ARID4B: variants seen among roughly 807,000 people sequenced by gnomAD.
The protein encoded by ARID4B is AT-rich interactive domain-containing protein 4B.
A neutral mutation model predicts 147.5 loss-of-function variants in ARID4B; 26 were observed. The observed-to-expected ratio is 0.18, with a 90% CI of 0.13 to 0.24. ARID4B has a LOEUF of 0.24. Ranked by LOEUF, ARID4B falls within the 10% of genes least tolerant of loss-of-function variation. The pLI, the probability that ARID4B is intolerant of heterozygous loss-of-function variation, is 1.00. For missense variants in ARID4B, 1,179 were observed against 1,511.5 expected (o/e 0.78, Z 3.65); for synonymous variants, 512 against 507.9 (o/e 1.01, Z -0.11).
chr1:235,234,574 A>G, intron 8 of ARID4B, 82 bp from the exon 9 acceptor site: 3 of 999,178 alleles, frequency 3.0e-6, no homozygotes, highest in Non-Finnish European at 4.5e-6. Flanking sequence ...CCTTTTAAAA[A>G]GTGTAAGCTT....
intron 17 of ARID4B, among the ~76,000 whole-genome samples, chr1:235,200,176 C>T (rs978758572): frequency 2.6e-5 from 4 of 151,254 alleles, no homozygotes; most frequent in Admixed American, 6.6e-5. Flanking sequence ...AAAATTAGGC[C>T]GGGCGCAGTG....
At chr1:235,224,631 C>A (rs1481435092) in intron 12 of ARID4B, 72 bp downstream of exon 12, 63 of 1,089,278 alleles carry the variant, frequency 5.8e-5, no homozygotes, top group Non-Finnish European at 7.9e-5. Flanking sequence ...AAACAAAATT[C>A]TATTCTTATT....
intron 11 of ARID4B, 57 bp downstream of exon 11, chr1:235,229,174 C>A: frequency 6.4e-7 from 1 of 1,568,306 alleles, no homozygotes; most frequent in Non-Finnish European, 8.6e-7. Context: ...TCCTAACCCA[C>A]AAGGGAAACC....
At chr1:235,271,695 T>A (rs1440554224) in intron 2 of ARID4B, among the ~76,000 whole-genome samples, 1 of 151,874 alleles carries the variant, frequency 6.6e-6, no homozygotes, top group Non-Finnish European at 1.5e-5. Context: ...ACACCTGTAA[T>A]CCCAACACTT....
At chr1:235,267,165 C>T (rs1255600074) in intron 2 of ARID4B, among the ~76,000 whole-genome samples, 1 of 152,142 alleles carries the variant, frequency 6.6e-6, no homozygotes, top group East Asian at 1.9e-4. Context: ...ATGGTCCCAA[C>T]TACTAAGGAG....
At chr1:235,323,427 C>T (rs970194891) in intron 2 of ARID4B, among the ~76,000 whole-genome samples, 1 of 151,790 alleles carries the variant, frequency 6.6e-6, no homozygotes, top group Admixed American at 6.6e-5. Flanking sequence ...TTTACTGCTA[C>T]GTAATAAAAG....
chr1:235,181,020 A>T, intron 20 of ARID4B: 1 of 705,566 alleles, frequency 1.4e-6, no homozygotes, highest in Non-Finnish European at 1.8e-6. Context: ...TTGGTCCTTC[A>T]ATTTGGAAGC....
chr1:235,204,402 CA>C lies in ARID4B; in HGVS notation c.1842-8288del, dbSNP rs1666172033. On this transcript the variant is annotated intron_variant, in intron 17 of 23. Transcript: ENST00000264183. ...CTACTTCATATAACACTTAAATCTA[CA>C]TCAGAGAGACAGCGATGGTATTCCT... Among the ~76,000 whole-genome samples, 4 of 152,274 alleles carry C rather than the reference CA, an allele frequency of 2.6e-5. No homozygotes were observed. In the South Asian group the frequency reaches 8.3e-4, roughly 32 times the overall value.
intron 19 of ARID4B, among the ~76,000 whole-genome samples, chr1:235,183,976 G>A (rs111253694): frequency 1.9e-4 from 29 of 152,018 alleles, no homozygotes; most frequent in African/African-American, 6.3e-4. Context: ...ACAGGGTCTC[G>A]TCATGTTGCC....
chr1:235,189,374 T>G (rs1163774773), intron 19 of ARID4B, among the ~76,000 whole-genome samples: 1 of 111,542 alleles, frequency 9.0e-6, no homozygotes, highest in African/African-American at 3.6e-5. Context: ...CACTCCAGCC[T>G]AGGCAACAGA....
At chr1:235,170,616 T>C (rs763122740) in intron 23 of ARID4B, among the ~76,000 whole-genome samples, 2 of 151,920 alleles carry the variant, frequency 1.3e-5, no homozygotes, top group African/African-American at 4.8e-5. Flanking sequence ...TGGGCGCCTG[T>C]AGTCCCAGCT....
At chr1:235,312,876 G>C (rs996155000) in intron 2 of ARID4B, among the ~76,000 whole-genome samples, 1 of 152,090 alleles carries the variant, frequency 6.6e-6, no homozygotes, top group African/African-American at 2.4e-5. Flanking sequence ...AGGAGGCTGA[G>C]GCACAAGAAT....
intron 22 of ARID4B, among the ~76,000 whole-genome samples, chr1:235,173,342 T>C (rs1344246154): frequency 6.6e-6 from 1 of 152,040 alleles, no homozygotes; most frequent in East Asian, 1.9e-4. Flanking sequence ...AGACTCTGTC[T>C]AAAAATAACA....
At chr1:235,291,838 A>C (rs916324671) in intron 2 of ARID4B, among the ~76,000 whole-genome samples, 1 of 152,346 alleles carries the variant, frequency 6.6e-6, no homozygotes, top group South Asian at 2.1e-4. Flanking sequence ...TTAAAAGTGC[A>C]GAACAGTGTG....
At chr1:235,181,344 G>T in intron 20 of ARID4B, 1 of 626,362 alleles carries the variant, frequency 1.6e-6, no homozygotes, top group Non-Finnish European at 2.5e-6. Context: ...TTTCTAGCAT[G>T]TGTTCTGGTC....
chr1:235,268,118 A>G (rs1048573972), intron 2 of ARID4B, among the ~76,000 whole-genome samples: 1 of 152,150 alleles, frequency 6.6e-6, no homozygotes, highest in Non-Finnish European at 1.5e-5. Flanking sequence ...GGCGGAGGAC[A>G]TGGATGAGAG....
At chr1:235,267,230 A>T (rs1670661906) in intron 2 of ARID4B, among the ~76,000 whole-genome samples, 2 of 152,134 alleles carry the variant, frequency 1.3e-5, no homozygotes. Flanking sequence ...GTGAGCCATG[A>T]CTGCAACACG....
intron 2 of ARID4B, among the ~76,000 whole-genome samples, chr1:235,266,708 T>A (rs1187010209): frequency 6.6e-6 from 1 of 152,166 alleles, no homozygotes; most frequent in Non-Finnish European, 1.5e-5. Context: ...CACAAATGAA[T>A]CAACAGTAAT....
chr1:235,237,162 T>A (rs139030869), intron 8 of ARID4B, among the ~76,000 whole-genome samples: 1 of 151,862 alleles, frequency 6.6e-6, no homozygotes, highest in African/African-American at 2.4e-5. Flanking sequence ...TGTGAGCCAC[T>A]GCAGCTGGCC....
Sources: gnomAD v4.1 joint callset for allele counts (sites outside exome capture counted in the v4.1 genomes callset) on GRCh38, gnomAD v4.1.1 for gene constraint, MANE v1.5 for transcripts, NCBI Gene and HGNC (gene_info 2026-07-23, HGNC 2026-07-21) for gene names.